Variants in GRIK2 observed in about 807,000 individuals in gnomAD.
GRIK2 encodes the protein glutamate ionotropic receptor kainate type subunit 2, also known as glutamate receptor ionotropic, kainate 2.
In GRIK2, 32 loss-of-function variants were observed where a neutral mutation model predicts 100.3. The ratio of observed to expected loss-of-function variants is 0.32; its 90% CI spans 0.24 to 0.43. The LOEUF (loss-of-function observed/expected upper bound fraction) is 0.43, where lower values mean the gene tolerates loss of function less well. Ranked by LOEUF, GRIK2 falls within the 20% of genes least tolerant of loss-of-function variation. GRIK2 has a pLI of 1.00. For missense variants in GRIK2, 843 were observed against 1,114.9 expected, an observed-to-expected ratio of 0.76 and a Z score of 3.47; for synonymous variants, 417 against 389.4, an observed-to-expected ratio of 1.07 and a Z score of -0.83.
chr6:101,622,760 T>C (rs1331291565), intron 3 of GRIK2, among the ~76,000 whole-genome samples: 1 of 151,828 alleles, frequency 6.6e-6, no homozygotes, highest in East Asian at 1.9e-4. Flanking sequence ...GTCAAAAATA[T>C]AGAAAAAGAA....
At chr6:101,839,637 TG>T (rs1783372635) in intron 10 of GRIK2, among the ~76,000 whole-genome samples, 1 of 152,168 alleles carries the variant, frequency 6.6e-6, no homozygotes, top group Non-Finnish European at 1.5e-5. Context: ...GGACAAGATT[TG>T]GTGAGAACAG....
At chr6:101,446,216 G>A (rs1248231353) in intron 2 of GRIK2, among the ~76,000 whole-genome samples, 1 of 151,760 alleles carries the variant, frequency 6.6e-6, no homozygotes, top group African/African-American at 2.4e-5. Context: ...TATCTAGTTA[G>A]GCAGAATAAA....
intron 2 of GRIK2, among the ~76,000 whole-genome samples, chr6:101,494,370 ATTAAAT>A (rs1449298358): frequency 2.6e-5 from 4 of 151,916 alleles, no homozygotes; most frequent in Admixed American, 6.6e-5. Flanking sequence ...TTTCAAATAA[ATTAAAT>A]TTAAAAGAGT....
chr6:101,826,930 T>C (rs1477411211), intron 10 of GRIK2, among the ~76,000 whole-genome samples: 2 of 152,000 alleles, frequency 1.3e-5, no homozygotes, highest in South Asian at 2.1e-4. Flanking sequence ...ACCTTTTTTT[T>C]CTTGAAAGTC....
At chr6:101,796,552 T>G (rs1302624271) in intron 7 of GRIK2, among the ~76,000 whole-genome samples, 1 of 152,154 alleles carries the variant, frequency 6.6e-6, no homozygotes, top group Non-Finnish European at 1.5e-5. Context: ...ACAACTAGTC[T>G]AAAATTAAAA....
intron 2 of GRIK2, among the ~76,000 whole-genome samples, chr6:101,590,690 A>G (rs1364144939): frequency 6.6e-6 from 1 of 152,016 alleles, no homozygotes; most frequent in Non-Finnish European, 1.5e-5. Flanking sequence ...AGATCTTAAT[A>G]TCATCTTTAT....
chr6:101,830,331 A>G (rs960167495), intron 10 of GRIK2, among the ~76,000 whole-genome samples: 1 of 152,046 alleles, frequency 6.6e-6, no homozygotes, highest in Non-Finnish European at 1.5e-5. Context: ...TCCTGGAAGA[A>G]AACCAAGGAA....
At chr6:101,882,145 C>T (rs765646444) in intron 11 of GRIK2, among the ~76,000 whole-genome samples, 3 of 151,990 alleles carry the variant, frequency 2.0e-5, no homozygotes, top group African/African-American at 4.8e-5. Flanking sequence ...TCCCATGATT[C>T]AATTATCTTC....
At chr6:101,866,651 A>G (rs1475290334) in intron 11 of GRIK2, among the ~76,000 whole-genome samples, 1 of 152,136 alleles carries the variant, frequency 6.6e-6, no homozygotes, top group African/African-American at 2.4e-5. Context: ...AGACTAGACT[A>G]TTAGAGTACA....
intron 7 of GRIK2, among the ~76,000 whole-genome samples, chr6:101,726,024 CAATT>C (rs936319491): frequency 2.6e-5 from 4 of 151,690 alleles, no homozygotes; most frequent in Non-Finnish European, 5.9e-5. Context: ...TAAAGTCAAA[CAATT>C]AATTTTAAAT....
intron 2 of GRIK2, among the ~76,000 whole-genome samples, chr6:101,538,588 T>C (rs1211609812): frequency 6.6e-6 from 1 of 150,930 alleles, no homozygotes; most frequent in East Asian, 2.0e-4. Flanking sequence ...GTCAGTAATA[T>C]TGACACACAA....
intron 2 of GRIK2, among the ~76,000 whole-genome samples, chr6:101,508,215 A>G (rs1774118939): frequency 6.6e-6 from 1 of 152,154 alleles, no homozygotes; most frequent in South Asian, 2.1e-4. Flanking sequence ...TAAGAGAAAA[A>G]TAAATATAAC....
chr6:101,655,935 T>C (rs1449906623), intron 4 of GRIK2, among the ~76,000 whole-genome samples: 1 of 151,606 alleles, frequency 6.6e-6, no homozygotes, highest in African/African-American at 2.4e-5. Flanking sequence ...GACCCTTCTC[T>C]CATCTTATTA....
At chr6:101,993,730 T>C (rs1286684428) in intron 14 of GRIK2, 2 of 149,742 alleles carry the variant, frequency 1.3e-5, no homozygotes, top group Non-Finnish European at 3.0e-5. Context: ...TCTTGAAATA[T>C]AGTTAAATCT....
intron 14 of GRIK2, among the ~76,000 whole-genome samples, chr6:101,930,357 A>G (rs1365024814): frequency 2.6e-4 from 1 of 3,914 alleles, no homozygotes; most frequent in African/African-American, 8.9e-4. Flanking sequence ...AAAAAAAATA[A>G]AATAAAATAA....
intron 10 of GRIK2, among the ~76,000 whole-genome samples, chr6:101,820,204 T>C (rs1404093383): frequency 6.6e-6 from 1 of 152,230 alleles, no homozygotes; most frequent in Admixed American, 6.5e-5. Flanking sequence ...TTATTTCATG[T>C]GTGCATTATT....
At chr6:101,698,112 T>C (rs1254494394) in intron 7 of GRIK2, among the ~76,000 whole-genome samples, 1 of 152,140 alleles carries the variant, frequency 6.6e-6, no homozygotes, top group Non-Finnish European at 1.5e-5. Flanking sequence ...ATGCTCTGGG[T>C]GAGATTAACT....
chr6:101,622,219 G>T, intron 3 of GRIK2, 103 bp downstream of exon 3: 2 of 626,410 alleles, frequency 3.2e-6, no homozygotes, highest in Non-Finnish European at 5.5e-6. Flanking sequence ...AAGTTGTTAG[G>T]AATATTTGCA....
chr6:101,496,405 G>A (rs1196466473), intron 2 of GRIK2, among the ~76,000 whole-genome samples: 1 of 152,186 alleles, frequency 6.6e-6, no homozygotes, highest in Non-Finnish European at 1.5e-5. Flanking sequence ...AATAATGAAA[G>A]TTAATGACAT....
Sources: allele counts gnomAD v4.1 joint callset (sites outside exome capture counted in the v4.1 genomes callset), GRCh38; gene constraint gnomAD v4.1.1; transcripts MANE v1.5; gene names NCBI Gene and HGNC (gene_info 2026-07-23, HGNC 2026-07-21).